Variants in FNDC3B observed in about 807,000 individuals in gnomAD.
The protein encoded by FNDC3B is fibronectin type III domain-containing protein 3B.
Under a neutral mutation model 151.5 loss-of-function variants are expected in FNDC3B, and 12 were observed. The ratio of observed to expected loss-of-function variants is 0.08; its 90% confidence interval spans 0.05 to 0.13. FNDC3B has a LOEUF of 0.13. Ranked by LOEUF, FNDC3B falls within the 10% of genes least tolerant of loss-of-function variation. The pLI, the probability that FNDC3B is intolerant of heterozygous loss-of-function variation, is 1.00. For synonymous variants in FNDC3B, 528 were observed against 549.0 expected (o/e 0.96, Z 0.54); for missense variants, 1,214 against 1,505.3 (o/e 0.81, Z 3.20).
At chr3:172,176,988 C>T (rs1723628827) in intron 3 of FNDC3B, among the ~76,000 whole-genome samples, 1 of 152,130 alleles carries the variant, frequency 6.6e-6, no homozygotes, top group Non-Finnish European at 1.5e-5. Context: ...GGGCTTCTGA[C>T]TCAATTGCCC....
Position 172,132,928 on chromosome 3 carries a change from G to A in FNDC3B, c.112-543G>A, listed in dbSNP as rs182562658. 4.8e-3 allele frequency among the ~76,000 whole-genome samples: 724 copies of A among 152,166 alleles called. 5 individuals are homozygous for A. The highest frequency in any genetic ancestry group is 0.016 in the African/African-American group (674 of 41,528). On this transcript the variant is annotated intron_variant, in intron 2 of 25. Coordinates refer to ENST00000415807, the MANE Select transcript of FNDC3B (RefSeq NM_022763.4). ...GACTTTAAACATTTGGGTATTTGGC[G>A]GGGCCTATTTATAATATTTATTTAA...
At chr3:172,135,244 G>A (rs1488318811) in intron 3 of FNDC3B, among the ~76,000 whole-genome samples, 1 of 151,938 alleles carries the variant, frequency 6.6e-6, no homozygotes, top group Non-Finnish European at 1.5e-5. Context: ...TGGTGTCTAA[G>A]GAGTGTGTGT....
intron 24 of FNDC3B, among the ~76,000 whole-genome samples, chr3:172,379,498 T>C (rs1200248368): frequency 6.6e-6 from 1 of 152,258 alleles, no homozygotes; most frequent in Non-Finnish European, 1.5e-5. Context: ...TCATAGCTCC[T>C]TTCAGGATTA....
chr3:172,124,215 C>T (rs533887814), intron 2 of FNDC3B, among the ~76,000 whole-genome samples: 5 of 152,144 alleles, frequency 3.3e-5, no homozygotes, highest in Non-Finnish European at 7.4e-5. Context: ...CTGAGCCTCC[C>T]AAGTAGCTGG....
chr3:172,375,287 A>T (rs1735075832), intron 23 of FNDC3B, among the ~76,000 whole-genome samples: 1 of 152,084 alleles, frequency 6.6e-6, no homozygotes, highest in African/African-American at 2.4e-5. Flanking sequence ...AGCCCTTCTG[A>T]CCTTGGGCCT....
At chr3:172,181,596 C>T (rs1723907744) in intron 3 of FNDC3B, among the ~76,000 whole-genome samples, 6 of 151,454 alleles carry the variant, frequency 4.0e-5, no homozygotes, top group Admixed American at 3.9e-4. Flanking sequence ...TTTGGGAAGC[C>T]TAGGTGGGCA....
chr3:172,331,630 G>T (rs1226017150), intron 13 of FNDC3B, among the ~76,000 whole-genome samples: 3 of 152,080 alleles, frequency 2.0e-5, no homozygotes, highest in Non-Finnish European at 4.4e-5. Flanking sequence ...AAAGTGCTGG[G>T]ATTACAGGTG....
Position 172,296,179 on chromosome 3 carries a change from A to G in FNDC3B, c.1001+665A>G, listed in dbSNP as rs371517548. Reference sequence around the variant, plus strand: ...AGATTTGCAGAGCAGGAAATCAGAAAGTTAGTTTTGTTTTAACTGCTTGTT... The same window carrying G: ...AGATTTGCAGAGCAGGAAATCAGAAGGTTAGTTTTGTTTTAACTGCTTGTT... On this transcript the variant is annotated intron_variant, in intron 8 of 25. Coordinates refer to ENST00000415807, the MANE Select transcript of FNDC3B (RefSeq NM_022763.4). 1.4e-3 allele frequency among the ~76,000 whole-genome samples: 211 copies of G among 152,326 alleles called. 1 individual carries two copies. The highest frequency in any genetic ancestry group is 4.8e-3 in the African/African-American group (199 of 41,578).
Position 172,353,054 on chromosome 3 carries a change from G to T in FNDC3B, c.2766G>T (p.Met922Ile). The stretch of plus-strand genomic sequence containing the variant: ...TGGGCAACACCACCATGCATGTTAT[G>T]AAAGATCTCCTTCCAGAAACCACCT... ...ITVGNTTMHV[M>I]KDLLPETTYR... Residue 922 changes from methionine to isoleucine, a missense_variant, in exon 22 of 26, where the codon ATG becomes ATT. Met to Ile is a conservative substitution (Grantham distance 10). Around this residue, in one of 7 missense-constraint regions of FNDC3B, gnomAD observed 284 missense variants for 392.4 expected, o/e 0.72. Coordinates refer to ENST00000415807, the MANE Select transcript of FNDC3B (RefSeq NM_022763.4). 1 of 1,614,024 alleles carries T rather than the reference G, an allele frequency of 6.2e-7. No homozygotes were observed. The highest frequency in any genetic ancestry group is 8.5e-7 in the Non-Finnish European group (1 of 1,179,988).
Position 172,327,461 on chromosome 3 carries a change from C to T in FNDC3B, c.1255-1491C>T, listed in dbSNP as rs535816149. ...TGTCGCCCACACTGGAGTGCAGTGGCGCGATCTCGGCTCACTGCGAGCTCC... is the reference window on the plus strand; with the variant it reads ...TGTCGCCCACACTGGAGTGCAGTGGTGCGATCTCGGCTCACTGCGAGCTCC... On this transcript the variant is annotated intron_variant, in intron 11 of 25. Transcript: ENST00000415807. 7.9e-5 allele frequency among the ~76,000 whole-genome samples: 12 copies of T among 152,260 alleles called. No homozygotes were observed. In the South Asian group the frequency reaches 2.1e-3, roughly 26 times the overall value.
intron 1 of FNDC3B, among the ~76,000 whole-genome samples, chr3:172,091,873 G>GGTGTGTGTGTGTGCGT (rs1718848757): frequency 8.0e-6 from 1 of 124,756 alleles, no homozygotes; most frequent in Admixed American, 8.4e-5. Context: ...ACTTTACTGG[G>GGTGTGTGTGTGTGCGT]GTGTGTGTGT....
At position 172,352,131 on chromosome 3, in the gene FNDC3B, A is replaced by G. The variant is rs1733885848; in HGVS notation, c.2515-672A>G. Among the ~76,000 whole-genome samples, 1 of 152,196 alleles carries G rather than the reference A, an allele frequency of 6.6e-6. No homozygotes were observed. Among genetic ancestry groups the G allele is most frequent in the Admixed American group, 6.5e-5 (1 of 15,282 alleles). ...AAGAGTTCAGGGGATGGTGGCAACC[A>G]GGAAAGGTGATTGAGAAGCAGCAGG... On this transcript the variant is annotated intron_variant, in intron 21 of 25. Coordinates refer to ENST00000415807, the MANE Select transcript of FNDC3B (RefSeq NM_022763.4). This position sits in a 1 kb window ranked among gnomAD's most constrained non-coding sequence, Gnocchi z 4.2.
chr3:172,186,741 A>C, intron 3 of FNDC3B: 1 of 702,626 alleles, frequency 1.4e-6, no homozygotes, highest in Non-Finnish European at 2.6e-6. Flanking sequence ...CTGCGATTGA[A>C]GATTTTTTCA....
intron 2 of FNDC3B, among the ~76,000 whole-genome samples, chr3:172,115,761 C>T (rs1720216395): frequency 6.6e-6 from 1 of 152,190 alleles, no homozygotes; most frequent in African/African-American, 2.4e-5. Context: ...TAAGAGCCAT[C>T]CCCTGGCCAT....
intron 3 of FNDC3B, among the ~76,000 whole-genome samples, chr3:172,207,395 T>G (rs1576798140): frequency 6.6e-6 from 1 of 152,294 alleles, no homozygotes; most frequent in Admixed American, 6.5e-5. Context: ...AGGAAAAAAG[T>G]GACCAAAGCA....
At chr3:172,223,801 A>G (rs184038966) in intron 3 of FNDC3B, among the ~76,000 whole-genome samples, 25 of 152,268 alleles carry the variant, frequency 1.6e-4, no homozygotes, top group African/African-American at 5.8e-4. Flanking sequence ...AAATTTAAAA[A>G]GCAACCAAAA....
At chr3:172,374,875 A>G (rs934908777) in intron 23 of FNDC3B, among the ~76,000 whole-genome samples, 1 of 152,182 alleles carries the variant, frequency 6.6e-6, no homozygotes, top group Non-Finnish European at 1.5e-5. Flanking sequence ...CCTACCAAGT[A>G]CCCAGATCTT....
chr3:172,160,529 G>A (rs925600856), intron 3 of FNDC3B, among the ~76,000 whole-genome samples: 12 of 152,332 alleles, frequency 7.9e-5, no homozygotes, highest in Admixed American at 2.0e-4. Context: ...ACTGCTTTCC[G>A]AATTTCACTA....
Position 172,337,516 on chromosome 3 carries a change from AT to A in FNDC3B, c.1852+117del. The A allele has an allele frequency of 5.5e-6, 4 of 724,234 alleles. No homozygotes were observed. The South Asian group carries it at 7.0e-5, about 13-fold the overall frequency. The allele number at this position is 724,234 out of a possible 1,614,324, so 44.9% of individuals were successfully genotyped here. A position where few individuals can be genotyped will look rare whatever the true frequency, so the allele number is the denominator to read the frequency against. ...CATTAATTCTAAAGATAGAATTATT[AT>A]TACAATAAACAAACTTTAGTCACAT... On this transcript the variant is annotated intron_variant, in intron 16 of 25. Coordinates refer to ENST00000415807, the MANE Select transcript of FNDC3B (RefSeq NM_022763.4).
Sources: allele counts gnomAD v4.1 joint callset (sites outside exome capture counted in the v4.1 genomes callset), GRCh38; gene constraint gnomAD v4.1.1; regional missense constraint gnomAD v4.1.1; non-coding constraint Gnocchi (gnomAD v3.1); transcripts MANE v1.5; gene names NCBI Gene and HGNC (gene_info 2026-07-23, HGNC 2026-07-21).